The following CCDC68 variants were observed in gnomAD, a reference collection of about 807,000 sequenced individuals.
The protein encoded by CCDC68 is coiled-coil domain containing 68.
Under a neutral mutation model 47.1 loss-of-function variants are expected in CCDC68, and 45 were observed. That is an observed-to-expected ratio of 0.96 (90% confidence interval 0.75 to 1.23). The LOEUF (loss-of-function observed/expected upper bound fraction) is 1.23, where lower values mean the gene tolerates loss of function less well. Ranked by LOEUF, CCDC68 falls within the 50% of genes most tolerant of loss-of-function variation. CCDC68 has a pLI of 0.00. For missense variants in CCDC68, 353 were observed against 373.6 expected, an observed-to-expected ratio of 0.94 and a Z score of 0.45; for synonymous variants, 131 against 129.5, an observed-to-expected ratio of 1.01 and a Z score of -0.08.
rs572029075 is a variant in CCDC68, at chr18:54,922,955, T to A, written c.684-3579A>T. ...GTGAGGCGAGATCGTGCCACTGCAA[T>A]CCAGCCTGGGTGACAGAGCAAGACT... On this transcript the variant is annotated intron_variant, in intron 8 of 11. Transcript: ENST00000591504. 2.5e-5 allele frequency among the ~76,000 whole-genome samples: 3 copies of A among 119,032 alleles called. No individual in the cohort carries two copies. The East Asian group carries it at 7.2e-4, about 29-fold the overall frequency. 78.1% of individuals were successfully genotyped at this position (119,032 alleles called of 152,430 possible).
intron 4 of CCDC68, among the ~76,000 whole-genome samples, chr18:54,939,273 A>G (rs2044398205): frequency 6.6e-6 from 1 of 152,168 alleles, no homozygotes. Flanking sequence ...AATTTGTTAA[A>G]GAATATTTGA....
At chr18:54,919,213 T>C in intron 9 of CCDC68, 58 bp downstream of exon 9, 1 of 1,329,086 alleles carries the variant, frequency 7.5e-7, no homozygotes, top group South Asian at 1.2e-5. Context: ...CCACTCGTAT[T>C]TGGGCTCCAC....
At chr18:54,938,961 G>A (rs1555677204) in intron 4 of CCDC68, among the ~76,000 whole-genome samples, 1 of 152,188 alleles carries the variant, frequency 6.6e-6, no homozygotes, top group Non-Finnish European at 1.5e-5. Context: ...ACACTGGAAG[G>A]TGCTAGGCCC....
At chr18:54,910,763 G>A (rs1010007073) in intron 10 of CCDC68, among the ~76,000 whole-genome samples, 9 of 152,226 alleles carry the variant, frequency 5.9e-5, no homozygotes, top group African/African-American at 2.2e-4. Flanking sequence ...GCAGAAGGGG[G>A]TTAGCATGTC....
chr18:54,936,721 T>C (rs369235817), intron 6 of CCDC68, 112 bp downstream of exon 6: 18 of 1,326,364 alleles, frequency 1.4e-5, no homozygotes, highest in Middle Eastern at 4.0e-4. Flanking sequence ...CCAAGTCTTT[T>C]GCCAAGTCAC....
intron 1 of CCDC68, among the ~76,000 whole-genome samples, chr18:54,951,374 G>T (rs1271799699): frequency 2.0e-5 from 3 of 152,162 alleles, no homozygotes; most frequent in African/African-American, 7.2e-5. Context: ...GGAAGGAGGG[G>T]CCAGGATTTG....
rs2043985061 is a variant in CCDC68, at chr18:54,917,952, A to G, written c.834T>C (p.Ile278=). The change falls in exon 10 of 12, where the codon ATT becomes ATC. Residue 278 remains isoleucine, a synonymous_variant. Coordinates refer to ENST00000591504, the MANE Select transcript of CCDC68 (RefSeq NM_025214.3). ...KNNLKEQDKR[I]ENLREKVNIL... ...TGTTAACCTTTTCTCTGAGATTTTC[A>G]ATTCTTTTGTCTTGTTCTTTTAAAT... is the stretch of plus-strand genomic sequence containing the variant. 1 of 1,576,026 alleles carries G rather than the reference A, an allele frequency of 6.3e-7. No individual in the cohort carries two copies. Among genetic ancestry groups the G allele is most frequent in the Non-Finnish European group, 8.7e-7 (1 of 1,149,480 alleles).
intron 7 of CCDC68, among the ~76,000 whole-genome samples, chr18:54,930,373 A>C (rs1382767456): frequency 6.6e-6 from 1 of 152,206 alleles, no homozygotes; most frequent in Non-Finnish European, 1.5e-5. Context: ...TAATAGAGAT[A>C]ATATATGTAA....
chr18:54,939,696 C>T (rs935807776), intron 4 of CCDC68, among the ~76,000 whole-genome samples: 6 of 152,254 alleles, frequency 3.9e-5, no homozygotes, highest in Non-Finnish European at 7.4e-5. Flanking sequence ...CCGCAATTTC[C>T]TTGGCCCATG....
chr18:54,918,887 C>G (rs543217713), intron 9 of CCDC68, among the ~76,000 whole-genome samples: 1 of 152,272 alleles, frequency 6.6e-6, no homozygotes, highest in African/African-American at 2.4e-5. Context: ...ACACCCCTAT[C>G]CTAAATCATG....
intron 10 of CCDC68, among the ~76,000 whole-genome samples, chr18:54,914,828 T>C (rs550803350): frequency 1.2e-3 from 187 of 152,308 alleles, no homozygotes; most frequent in African/African-American, 4.2e-3. Context: ...TTTTGGAATA[T>C]ACAAACGGAG....
intron 1 of CCDC68, among the ~76,000 whole-genome samples, chr18:54,951,700 C>T (rs8087244): frequency 0.36 from 54,729 of 152,040 alleles, 10,258 homozygotes; most frequent in East Asian, 0.58. Context: ...GTAACAGTCA[C>T]AGAACTCCTG....
chr18:54,934,515 T>G (rs1002836597), intron 7 of CCDC68, among the ~76,000 whole-genome samples: 3 of 152,190 alleles, frequency 2.0e-5, no homozygotes, highest in Non-Finnish European at 4.4e-5. Context: ...TTTCCATTAT[T>G]TGCATTCACA....
chr18:54,936,980 A>G (rs749216688), intron 5 of CCDC68, 22 bp from the exon 6 acceptor site: 3 of 1,613,482 alleles, frequency 1.9e-6, no homozygotes, highest in East Asian at 2.2e-5. Flanking sequence ...GTCACTATGC[A>G]TGTTCTGACA....
intron 10 of CCDC68, among the ~76,000 whole-genome samples, chr18:54,911,260 C>T (rs951752141): frequency 7.2e-5 from 11 of 151,944 alleles, no homozygotes; most frequent in South Asian, 4.2e-4. Context: ...ATGTTGGCCA[C>T]GCTGCTCTTG....
At chr18:54,919,491 A>G in intron 8 of CCDC68, 115 bp from the exon 9 acceptor site, 1 of 855,190 alleles carries the variant, frequency 1.2e-6, no homozygotes, top group Admixed American at 2.0e-5. Context: ...TCAGTTGGGT[A>G]AGACCCCGGG....
intron 1 of CCDC68, among the ~76,000 whole-genome samples, chr18:54,951,178 G>C (rs2044614168): frequency 6.6e-6 from 1 of 151,570 alleles, no homozygotes; most frequent in Admixed American, 6.6e-5. Context: ...AAAGTGCTGG[G>C]ATTACAGGCG....
rs1051745408 is a variant in CCDC68, at chr18:54,902,049, T to G, written c.*2309A>C. 3.9e-5 allele frequency: 6 copies of G among 152,188 alleles called. No individual in the cohort carries two copies. The highest frequency in any genetic ancestry group is 1.4e-4 in the African/African-American group (6 of 41,448). 9.4% of individuals were successfully genotyped at this position (152,188 alleles called of 1,614,324 possible). A position where few individuals can be genotyped will look rare whatever the true frequency, so the allele number is the denominator to read the frequency against. On this transcript the variant is annotated 3_prime_UTR_variant, in exon 12 of 12. Transcript: ENST00000591504. The stretch of plus-strand genomic sequence containing the variant: ...AATCGTTTAGTTTTGGGAAGGGCTA[T>G]TATAATTTAACCTATAAAGTAAATT...
intron 10 of CCDC68, among the ~76,000 whole-genome samples, chr18:54,910,380 A>C (rs1219726393): frequency 6.6e-6 from 1 of 152,200 alleles, no homozygotes; most frequent in Non-Finnish European, 1.5e-5. Context: ...TCTTCTCTGC[A>C]GCTGGTCATC....
Sources: gnomAD v4.1 joint callset for allele counts (sites outside exome capture counted in the v4.1 genomes callset) on GRCh38, gnomAD v4.1.1 for gene constraint, MANE v1.5 for transcripts, NCBI Gene and HGNC (gene_info 2026-07-23, HGNC 2026-07-21) for gene names.